Variants in B3GALT1 observed in about 807,000 individuals in gnomAD.
B3GALT1 encodes beta-1,3-galactosyltransferase 1.
B3GALT1 carries 10 observed loss-of-function variants against 23.2 expected under a neutral mutation model. The observed-to-expected ratio is 0.43, with a 90% CI of 0.27 to 0.73. The LOEUF is 0.73. B3GALT1 is among the 30% of genes least tolerant of loss of function. The probability of loss-of-function intolerance (pLI) is 0.21; values close to 1 mark genes in which losing one functional copy is unlikely to be tolerated. For synonymous variants in B3GALT1, 156 were observed against 141.5 expected, an observed-to-expected ratio of 1.10 and a Z score of -0.73; for missense variants, 299 against 405.4, an observed-to-expected ratio of 0.74 and a Z score of 2.25.
At chr2:167,592,204 A>G (rs991043070) in intron 2 of B3GALT1, among the ~76,000 whole-genome samples, 15 of 152,088 alleles carry the variant, frequency 9.9e-5, no homozygotes, top group Non-Finnish European at 1.9e-4. Context: ...GATCTAAGAT[A>G]GCAATATCAA....
intron 3 of B3GALT1, among the ~76,000 whole-genome samples, chr2:167,716,831 T>C (rs1262908543): frequency 1.3e-5 from 2 of 152,202 alleles, no homozygotes; most frequent in Non-Finnish European, 2.9e-5. Flanking sequence ...TATCTTCTTT[T>C]TTATAGTTTT....
intron 1 of B3GALT1, among the ~76,000 whole-genome samples, chr2:167,426,492 T>C (rs1339266464): frequency 6.6e-6 from 1 of 151,984 alleles, no homozygotes; most frequent in Non-Finnish European, 1.5e-5. Flanking sequence ...GAGGAGGCTG[T>C]TCTCAAACTC....
chr2:167,641,784 G>A (rs566920867), intron 2 of B3GALT1, among the ~76,000 whole-genome samples: 5 of 152,170 alleles, frequency 3.3e-5, no homozygotes, highest in Non-Finnish European at 2.9e-5. Context: ...ACTCAGTGGT[G>A]GGACCCCTTC....
intron 1 of B3GALT1, among the ~76,000 whole-genome samples, chr2:167,434,899 A>C (rs1347108975): frequency 2.6e-5 from 4 of 152,182 alleles, no homozygotes; most frequent in Non-Finnish European, 5.9e-5. Flanking sequence ...ATGTAAAGAA[A>C]GAATCTCAAA....
intron 1 of B3GALT1, among the ~76,000 whole-genome samples, chr2:167,466,616 T>TG (rs1574091469): frequency 1.2e-5 from 1 of 83,456 alleles, no homozygotes; most frequent in Non-Finnish European, 2.6e-5. Context: ...CAAGACTCTG[T>TG]CAAAAAAAAA....
In B3GALT1 at chr2:167,662,074, T is replaced by TAA. The variant is rs34648588; in HGVS notation, c.-352+15119_-352+15120dup. Among the ~76,000 whole-genome samples, 792 of 146,550 alleles carry TAA rather than the reference T, an allele frequency of 5.4e-3. 5 individuals carry two copies. The highest frequency in any genetic ancestry group is 0.016 in the African/African-American group (645 of 39,948). On this transcript the variant is annotated intron_variant, in intron 3 of 4. Coordinates refer to ENST00000392690, the MANE Select transcript of B3GALT1 (RefSeq NM_020981.4). ...ATCCTGTATATGTTTTCAGAGATGT[T>TAA]AAAAAAAAAAAAGCAGCAAGTTTTT...
chr2:167,421,540 A>G (rs1047691067), intron 1 of B3GALT1, among the ~76,000 whole-genome samples: 2 of 152,214 alleles, frequency 1.3e-5, no homozygotes, highest in Non-Finnish European at 2.9e-5. Context: ...GAATACTGGA[A>G]TTTTAAAAAT....
At chr2:167,445,497 G>T (rs568573472) in intron 1 of B3GALT1, among the ~76,000 whole-genome samples, 1 of 152,166 alleles carries the variant, frequency 6.6e-6, no homozygotes, top group East Asian at 1.9e-4. Flanking sequence ...TGTGTGGGAG[G>T]CTAAGTCTCT....
intron 1 of B3GALT1, among the ~76,000 whole-genome samples, chr2:167,489,684 T>C (rs1292050406): frequency 6.6e-6 from 1 of 152,156 alleles, no homozygotes; most frequent in Admixed American, 6.5e-5. Flanking sequence ...TAGGGATTTT[T>C]ACATTAGAAA....
chr2:167,621,876 CCTTT>C (rs1485642360), intron 2 of B3GALT1, among the ~76,000 whole-genome samples: 2 of 152,056 alleles, frequency 1.3e-5, no homozygotes, highest in Non-Finnish European at 2.9e-5. Context: ...CTTCCCCTTC[CCTTT>C]CCACCATGAC....
intron 2 of B3GALT1, among the ~76,000 whole-genome samples, chr2:167,616,341 G>A (rs1685161640): frequency 6.6e-6 from 1 of 151,970 alleles, no homozygotes. Context: ...TTACTGCCCT[G>A]GGGAAACTAT....
At chr2:167,598,455 A>G (rs1034783876) in intron 2 of B3GALT1, among the ~76,000 whole-genome samples, 20 of 152,216 alleles carry the variant, frequency 1.3e-4, no homozygotes, top group African/African-American at 4.8e-4. Context: ...ATTGCCTCAG[A>G]TATCAGGTGC....
chr2:167,445,336 A>G (rs1212123144), intron 1 of B3GALT1, among the ~76,000 whole-genome samples: 2 of 152,204 alleles, frequency 1.3e-5, no homozygotes, highest in Non-Finnish European at 2.9e-5. Flanking sequence ...AGGTATGTAT[A>G]TTCTGTTGAT....
chr2:167,479,970 C>T (rs1170626965), intron 1 of B3GALT1, among the ~76,000 whole-genome samples: 1 of 152,012 alleles, frequency 6.6e-6, no homozygotes, highest in Non-Finnish European at 1.5e-5. Context: ...CTGAGTCTGC[C>T]TCTGGCTGGG....
At chr2:167,464,804 A>G (rs1209306381) in intron 1 of B3GALT1, among the ~76,000 whole-genome samples, 1 of 152,208 alleles carries the variant, frequency 6.6e-6, no homozygotes, top group Non-Finnish European at 1.5e-5. Context: ...GATATTGTAT[A>G]TACTCAACCC....
At chr2:167,427,659 C>T (rs562755156) in intron 1 of B3GALT1, among the ~76,000 whole-genome samples, 1 of 152,194 alleles carries the variant, frequency 6.6e-6, no homozygotes, top group Non-Finnish European at 1.5e-5. Context: ...CTCTCAGCCT[C>T]CTGAATAGTG....
chr2:167,293,019 G>T lies in B3GALT1; in HGVS notation c.-826G>T, dbSNP rs1387153272. On this transcript the variant is annotated 5_prime_UTR_variant, in exon 1 of 5. Coordinates refer to ENST00000392690, the MANE Select transcript of B3GALT1 (RefSeq NM_020981.4). ...CGAGGCCAGAGCCATCGCCGGGGAA[G>T]CGCAGCCGGGCTCGGGTGCTTCGGC... Among the ~76,000 whole-genome samples the T allele has an allele frequency of 6.6e-6, 1 of 151,936 alleles. No homozygotes were observed. The highest frequency in any genetic ancestry group is 1.5e-5 in the Non-Finnish European group (1 of 67,960).
intron 2 of B3GALT1, among the ~76,000 whole-genome samples, chr2:167,572,940 C>T (rs1219979832): frequency 2.6e-5 from 4 of 151,704 alleles, no homozygotes; most frequent in Non-Finnish European, 5.9e-5. Flanking sequence ...AAATTAAATC[C>T]TGCTGCCTCC....
At chr2:167,678,536 A>G (rs891709122) in intron 3 of B3GALT1, among the ~76,000 whole-genome samples, 1 of 151,968 alleles carries the variant, frequency 6.6e-6, no homozygotes, top group African/African-American at 2.4e-5. Flanking sequence ...TCCCCATCTT[A>G]TACATCTTAC....
Sources: gnomAD v4.1 joint callset for allele counts (sites outside exome capture counted in the v4.1 genomes callset) on GRCh38, gnomAD v4.1.1 for gene constraint, MANE v1.5 for transcripts, NCBI Gene and HGNC (gene_info 2026-07-23, HGNC 2026-07-21) for gene names.